Variants in ECE1 observed in about 807,000 individuals in gnomAD.
ECE1 encodes endothelin converting enzyme 1, also known as endothelin-converting enzyme 1.
A neutral mutation model predicts 98.6 loss-of-function variants in ECE1; 35 were observed. That is an observed-to-expected ratio of 0.35 (90% confidence interval 0.27 to 0.47). ECE1 has a LOEUF of 0.47. Ranked by LOEUF, ECE1 falls within the 20% of genes least tolerant of loss-of-function variation. The probability of loss-of-function intolerance (pLI) is 1.00; values close to 1 mark genes in which losing one functional copy is unlikely to be tolerated. For synonymous variants in ECE1, 394 were observed against 407.1 expected, an observed-to-expected ratio of 0.97 and a Z score of 0.39; for missense variants, 814 against 1,025.3, an observed-to-expected ratio of 0.79 and a Z score of 2.81.
At chr1:21,223,732 G>A (rs2098170303) in intron 17 of ECE1, among the ~76,000 whole-genome samples, 1 of 152,060 alleles carries the variant, frequency 6.6e-6, no homozygotes, top group South Asian at 2.1e-4. Context: ...CCAAGGTGCT[G>A]GGATTACAGG....
At chr1:21,262,918 G>A (rs1164022730) in intron 4 of ECE1, among the ~76,000 whole-genome samples, 4 of 152,170 alleles carry the variant, frequency 2.6e-5, no homozygotes, top group African/African-American at 9.7e-5. Flanking sequence ...GGGGACAGTG[G>A]GCAACATAAC....
At chr1:21,290,485 C>T (rs955689995), upstream of ECE1, 10 of 1,221,464 alleles carry the variant, frequency 8.2e-6, no homozygotes, top group African/African-American at 1.4e-4. The surrounding 1 kb of genome is among the most constrained non-coding windows in gnomAD (Gnocchi z 7.3). Context: ...GGCGTTGCAC[C>T]ACCTTCGCGG....
At chr1:21,236,175 C>T (rs1396264505) in intron 12 of ECE1, among the ~76,000 whole-genome samples, 1 of 152,278 alleles carries the variant, frequency 6.6e-6, no homozygotes, top group Non-Finnish European at 1.5e-5. Context: ...TGGAGGGTGC[C>T]AGAGCCTTCC....
chr1:21,342,174 G>A (rs1639411263), intron 1 of ECE1, among the ~76,000 whole-genome samples: 1 of 152,152 alleles, frequency 6.6e-6, no homozygotes, highest in African/African-American at 2.4e-5. Flanking sequence ...CTCAGCGGTA[G>A]CCTCAACTCA....
At chr1:21,244,937 G>T (rs2098201254) in intron 10 of ECE1, 52 bp downstream of exon 10, 2 of 1,549,326 alleles carry the variant, frequency 1.3e-6, no homozygotes, top group African/African-American at 1.4e-5. Context: ...AGACACCTTG[G>T]CATAAAGTAG....
chr1:21,326,421 G>T (rs1276104341), intron 1 of ECE1, among the ~76,000 whole-genome samples: 1 of 152,076 alleles, frequency 6.6e-6, no homozygotes, highest in Admixed American at 6.6e-5. Context: ...CCAGTCCCCA[G>T]AGAGGGATCA....
In ECE1 at chr1:21,272,703, G is replaced by C; in HGVS notation, c.489C>G (p.Leu163=). 1 of 1,614,256 alleles carries C rather than the reference G, an allele frequency of 6.2e-7. No homozygotes were observed. Among genetic ancestry groups the C allele is most frequent in the Non-Finnish European group, 8.5e-7 (1 of 1,180,046 alleles). ...WEHNQAIIKH[L]LENSTASVSE... ...GTCTCCATGCTGGATGCTTACCGAG[G>C]AGGTGCTTGATGATTGCTTGGTTGT... Residue 163 remains leucine (L), a synonymous_variant, in exon 4 of 19, where the codon CTC becomes CTG. Transcript: ENST00000374893.
chr1:21,280,901 A>C (rs2098253698), intron 2 of ECE1, among the ~76,000 whole-genome samples: 1 of 152,096 alleles, frequency 6.6e-6, no homozygotes, highest in African/African-American at 2.4e-5. Context: ...CAAAACTGAG[A>C]AAAGGGGCCG....
intron 2 of ECE1, among the ~76,000 whole-genome samples, chr1:21,289,000 G>A (rs1240440192): frequency 1.3e-5 from 2 of 152,214 alleles, no homozygotes; most frequent in East Asian, 3.9e-4. Context: ...CCCTGGAGGA[G>A]GAACTCCATC....
chr1:21,252,873 A>C, intron 8 of ECE1, among the ~76,000 whole-genome samples: 1 of 152,208 alleles, frequency 6.6e-6, no homozygotes. Flanking sequence ...TAGTAACAAT[A>C]ATGATGAATA....
At position 21,307,540 on chromosome 1, in the gene ECE1, C is replaced by T. The variant is rs1269337722; in HGVS notation, c.4-17384G>A. On this transcript the variant is annotated intron_variant, in intron 1 of 18. Coordinates refer to the ECE1 transcript ENST00000415912. The surrounding 1 kb of genome is among the most constrained non-coding windows in gnomAD (Gnocchi z 4.2). Reference sequence around the variant, plus strand: ...AAGCAAGTTTTAAACATGATCACTACAGTCATTGATGTGAGGACGTCAGCA... The same window carrying T: ...AAGCAAGTTTTAAACATGATCACTATAGTCATTGATGTGAGGACGTCAGCA... Among the ~76,000 whole-genome samples, 1 of 152,182 alleles carries T rather than the reference C, an allele frequency of 6.6e-6. No homozygotes were observed. Among genetic ancestry groups the T allele is most frequent in the Non-Finnish European group, 1.5e-5 (1 of 68,036 alleles).
intron 12 of ECE1, among the ~76,000 whole-genome samples, chr1:21,236,515 G>T (rs1430447862): frequency 6.6e-6 from 1 of 152,252 alleles, no homozygotes; most frequent in Non-Finnish European, 1.5e-5. Flanking sequence ...CGAGCGTGGT[G>T]GCGCACGCCT....
At chr1:21,313,569 G>A (rs1288801300) in intron 1 of ECE1, among the ~76,000 whole-genome samples, 1 of 152,130 alleles carries the variant, frequency 6.6e-6, no homozygotes, top group Non-Finnish European at 1.5e-5. Context: ...TGGGAGTGGG[G>A]GAGCAGGGGG....
chr1:21,240,711 C>T (rs1394153876), intron 10 of ECE1, among the ~76,000 whole-genome samples: 1 of 152,238 alleles, frequency 6.6e-6, no homozygotes, highest in African/African-American at 2.4e-5. Context: ...CCTCCCTCGG[C>T]TGAGAAGCCC....
In ECE1 at chr1:21,227,480, C is replaced by T. The variant is rs137902854; in HGVS notation, c.1782-254G>A. ...TGTGCTAGATGCTCTACAGACCTAACTGTCCTCTTCAGTCATTGCGAAAGC... is the reference window on the plus strand; with the variant it reads ...TGTGCTAGATGCTCTACAGACCTAATTGTCCTCTTCAGTCATTGCGAAAGC... On this transcript the variant is annotated intron_variant, in intron 15 of 18. Transcript: ENST00000374893. Among the ~76,000 whole-genome samples the T allele has an allele frequency of 2.2e-4, 33 of 152,356 alleles. No homozygotes were observed. In the East Asian group the frequency reaches 4.4e-3, roughly 20 times the overall value.
chr1:21,289,318 C>T (rs1225898011), intron 2 of ECE1, among the ~76,000 whole-genome samples: 1 of 152,168 alleles, frequency 6.6e-6, no homozygotes, highest in Non-Finnish European at 1.5e-5. Flanking sequence ...GCTCCAAACC[C>T]CTCCAGCACT....
rs1238500617 is a variant in ECE1 at position 21,258,688 on chromosome 1, C to A, written c.762+5G>T. 2.5e-6 allele frequency: 4 copies of A among 1,614,050 alleles called. No homozygotes were observed. The highest frequency in any genetic ancestry group is 3.4e-6 in the Non-Finnish European group (4 of 1,180,016). On this transcript the variant is annotated splice_donor_5th_base_variant and intron_variant, in intron 6 of 18. Transcript: ENST00000374893. This position sits in a 1 kb window ranked among gnomAD's most constrained non-coding sequence, Gnocchi z 4.2. Reference sequence around the variant, plus strand: ...CTCGACCGCTGCAGGTTCAAGCTAGCTCACCTGGATCACGTTGCTGTTGGA... The same window carrying A: ...CTCGACCGCTGCAGGTTCAAGCTAGATCACCTGGATCACGTTGCTGTTGGA...
At chr1:21,313,754 G>A (rs1638775820) in intron 1 of ECE1, among the ~76,000 whole-genome samples, 1 of 152,160 alleles carries the variant, frequency 6.6e-6, no homozygotes, top group Non-Finnish European at 1.5e-5. Context: ...ATAAAATGGG[G>A]ACATGTGAAC....
chr1:21,246,498 C>CAAAAAAAAA (rs368916726), intron 9 of ECE1, among the ~76,000 whole-genome samples: 3 of 96,680 alleles, frequency 3.1e-5, no homozygotes, highest in East Asian at 2.6e-4. Context: ...GACTCCATCT[C>CAAAAAAAAA]AAAAAAAAAA....
Sources: allele counts gnomAD v4.1 joint callset (sites outside exome capture counted in the v4.1 genomes callset), GRCh38; gene constraint gnomAD v4.1.1; non-coding constraint Gnocchi (gnomAD v3.1); transcripts MANE v1.5; gene names NCBI Gene and HGNC (gene_info 2026-07-23, HGNC 2026-07-21).